The following DST variants were observed in gnomAD, a reference collection of about 807,000 sequenced individuals.
The protein encoded by DST is bullous pemphigoid antigen.
DST carries 253 observed loss-of-function variants against 875.2 expected under a neutral mutation model. The observed-to-expected ratio is 0.29, with a 90% CI of 0.26 to 0.32. The LOEUF is 0.32. Ranked by LOEUF, DST falls within the 10% of genes least tolerant of loss-of-function variation. DST has a pLI of 1.00. For synonymous variants in DST, 3,124 were observed against 3,197.1 expected (o/e 0.98, Z 0.77); for missense variants, 8,287 against 9,111.6 (o/e 0.91, Z 3.68).
Position 56,463,115 on chromosome 6 carries a change from C to T in DST, c.23001G>A (p.Leu7667=). The T allele has an allele frequency of 6.2e-7, 1 of 1,613,542 alleles. No homozygotes were observed. Among genetic ancestry groups the T allele is most frequent in the Non-Finnish European group, 8.5e-7 (1 of 1,179,630 alleles). The change falls in exon 102 of 104, where the codon TTG becomes TTA. Residue 7667 remains leucine, a synonymous_variant. Coordinates refer to ENST00000680361, the MANE Select transcript of DST (RefSeq NM_001374736.1). ...PLTRNYGKPW[L]TNSKMSTPCK... ...AAGGAGTTGACATTTTGCTGTTTGT[C>T]AACCATGGTTTACCATAATTGCGTG...
At position 56,605,820 on chromosome 6, in the gene DST, AG is replaced by A. The variant is rs1258741189; in HGVS notation, c.8807del (p.Pro2936LeufsTer17). ...KDTESEKTFG[P>X]ASISHDNNNI... ...TATTATTATCATGTGAAATACTTGC[AG>A]GGCCAAAAGTTTTTTCAGATTCAGT... On this transcript the variant is annotated frameshift_variant, in exon 40 of 104. Coordinates refer to ENST00000680361, the MANE Select transcript of DST (RefSeq NM_001374736.1). LOFTEE classifies it high-confidence loss of function. The A allele has an allele frequency of 6.2e-7, 1 of 1,612,434 alleles. No individual in the cohort carries two copies. The highest frequency in any genetic ancestry group is 8.5e-7 in the Non-Finnish European group (1 of 1,179,158).
At chr6:56,571,599 G>T (rs1428439017) in intron 53 of DST, among the ~76,000 whole-genome samples, 2 of 152,092 alleles carry the variant, frequency 1.3e-5, no homozygotes, top group African/African-American at 4.8e-5. Flanking sequence ...CTCAACTTAG[G>T]TTCATTCACT....
At chr6:56,863,029 G>C (rs1463529541) in intron 3 of DST, 1 of 152,254 alleles carries the variant, frequency 6.6e-6, no homozygotes, top group South Asian at 2.1e-4. Flanking sequence ...AGGCTGGCTA[G>C]ACACCAACTT....
At chr6:56,717,611 AGCTAATATG>A (rs1421607392) in intron 5 of DST, among the ~76,000 whole-genome samples, 1 of 152,214 alleles carries the variant, frequency 6.6e-6, no homozygotes, top group Non-Finnish European at 1.5e-5. Flanking sequence ...CTATTGCAGA[AGCTAATATG>A]GCCTTTTGAG....
chr6:56,519,525 G>T (rs1454608214), intron 69 of DST, among the ~76,000 whole-genome samples: 1 of 152,104 alleles, frequency 6.6e-6, no homozygotes, highest in Non-Finnish European at 1.5e-5. Context: ...AAGCAATAAC[G>T]AACTGCCCCT....
At chr6:56,615,953 T>C in intron 36 of DST, 1 of 1,614,234 alleles carries the variant, frequency 6.2e-7, no homozygotes, top group South Asian at 1.1e-5. Context: ...CAGGCCTCTA[T>C]GCAAAGCTTC....
intron 61 of DST, among the ~76,000 whole-genome samples, chr6:56,538,548 G>A (rs1283266744): frequency 6.6e-6 from 1 of 152,138 alleles, no homozygotes; most frequent in Non-Finnish European, 1.5e-5. Flanking sequence ...TTTGAAAGAT[G>A]TAGAGGCTGC....
At chr6:56,494,297 C>G in intron 82 of DST, 117 bp from the exon 83 acceptor site, 4 of 888,244 alleles carry the variant, frequency 4.5e-6, no homozygotes, top group Non-Finnish European at 6.5e-6. Context: ...TTTGCTCTCT[C>G]AGGGCAACCT....
intron 4 of DST, among the ~76,000 whole-genome samples, chr6:56,779,075 T>A (rs1290202756): frequency 6.6e-6 from 1 of 152,110 alleles, no homozygotes; most frequent in Non-Finnish European, 1.5e-5. Context: ...TGATCACCAT[T>A]CTAACTGGTG....
At chr6:56,524,758 T>C (rs1467769132) in intron 69 of DST, among the ~76,000 whole-genome samples, 1 of 152,124 alleles carries the variant, frequency 6.6e-6, no homozygotes, top group African/African-American at 2.4e-5. Flanking sequence ...ACTATATACA[T>C]TGTCTTTCAC....
chr6:56,842,931 C>G, intron 4 of DST: 1 of 972,356 alleles, frequency 1.0e-6, no homozygotes, highest in East Asian at 3.3e-5. Context: ...CTGGTCCATT[C>G]CCAAGACTGG....
At chr6:56,609,831 A>T (rs1017551223) in intron 39 of DST, among the ~76,000 whole-genome samples, 12 of 152,334 alleles carry the variant, frequency 7.9e-5, no homozygotes, top group Admixed American at 5.2e-4. Context: ...CCAAAATGTG[A>T]CAAATTATGT....
intron 73 of DST, among the ~76,000 whole-genome samples, chr6:56,510,361 A>G (rs2096448911): frequency 6.6e-6 from 1 of 152,144 alleles, no homozygotes; most frequent in South Asian, 2.1e-4. Context: ...TTTTGATTAG[A>G]TTCCAGGGAA....
intron 75 of DST, 80 bp from the exon 76 acceptor site, chr6:56,506,869 G>T: frequency 7.4e-7 from 1 of 1,355,966 alleles, no homozygotes; most frequent in South Asian, 2.1e-5. Flanking sequence ...AATATCAATG[G>T]TAGTTATTTC....
intron 81 of DST, 84 bp from the exon 82 acceptor site, chr6:56,497,591 C>T (rs1272935408): frequency 9.8e-5 from 147 of 1,495,352 alleles, no homozygotes; most frequent in Non-Finnish European, 1.2e-4. Context: ...TCCCAGCCTG[C>T]TAAGCCTCTC....
chr6:56,836,627 G>T (rs1318512264), intron 4 of DST, among the ~76,000 whole-genome samples: 1 of 151,904 alleles, frequency 6.6e-6, no homozygotes, highest in Non-Finnish European at 1.5e-5. Context: ...GAGGCGGGCG[G>T]ATCACGAGGT....
chr6:56,480,217 A>G (rs1020863521), intron 90 of DST, among the ~76,000 whole-genome samples: 1 of 152,238 alleles, frequency 6.6e-6, no homozygotes, highest in Non-Finnish European at 1.5e-5. Context: ...CTTTTTAAAT[A>G]TCATAACTTA....
At chr6:56,826,664 T>G (rs541676680) in intron 4 of DST, among the ~76,000 whole-genome samples, 2 of 152,238 alleles carry the variant, frequency 1.3e-5, no homozygotes, top group Non-Finnish European at 2.9e-5. Context: ...ATTTAGAGAT[T>G]TAATTCATAT....
intron 4 of DST, among the ~76,000 whole-genome samples, chr6:56,836,738 C>T (rs1041103355): frequency 6.6e-6 from 1 of 150,596 alleles, no homozygotes; most frequent in African/African-American, 2.4e-5. Flanking sequence ...GTAGTCCCAG[C>T]TACTCGGGAG....
Sources: allele counts gnomAD v4.1 joint callset (sites outside exome capture counted in the v4.1 genomes callset), GRCh38; gene constraint gnomAD v4.1.1; transcripts MANE v1.5; gene names NCBI Gene and HGNC (gene_info 2026-07-23, HGNC 2026-07-21).